Variants in PXDNL observed in about 807,000 individuals in gnomAD.
PXDNL encodes the protein probable oxidoreductase PXDNL.
PXDNL carries 145 observed loss-of-function variants against 150.8 expected under a neutral mutation model. The ratio of observed to expected loss-of-function variants is 0.96; its 90% CI spans 0.84 to 1.10. The LOEUF (loss-of-function observed/expected upper bound fraction) is 1.10, where lower values mean the gene tolerates loss of function less well. PXDNL is among the 50% of genes least tolerant of loss of function. The pLI, the probability that PXDNL is intolerant of heterozygous loss-of-function variation, is 0.00. For synonymous variants in PXDNL, 757 were observed against 725.7 expected, an observed-to-expected ratio of 1.04 and a Z score of -0.69; for missense variants, 2,087 against 1,873.9, an observed-to-expected ratio of 1.11 and a Z score of -2.10.
chr8:51,439,995 G>A (rs938110044), intron 12 of PXDNL, among the ~76,000 whole-genome samples: 1 of 151,480 alleles, frequency 6.6e-6, no homozygotes, highest in Non-Finnish European at 1.5e-5. Context: ...CAGCCCAAAT[G>A]CCCATCAATC....
intron 1 of PXDNL, among the ~76,000 whole-genome samples, chr8:51,775,561 A>G (rs1215994815): frequency 6.6e-6 from 1 of 152,202 alleles, no homozygotes; most frequent in Admixed American, 6.5e-5. Context: ...AGTTCCCCAA[A>G]TTAATACTTT....
intron 1 of PXDNL, among the ~76,000 whole-genome samples, chr8:51,792,965 A>G (rs913042944): frequency 6.6e-5 from 10 of 152,148 alleles, no homozygotes; most frequent in African/African-American, 2.4e-4. Flanking sequence ...AGCACACCCT[A>G]TCCACCAAGG....
chr8:51,484,920 A>G (rs1810694509), intron 5 of PXDNL, among the ~76,000 whole-genome samples: 1 of 152,234 alleles, frequency 6.6e-6, no homozygotes, highest in Non-Finnish European at 1.5e-5. Context: ...GAAGAGAGAA[A>G]ACACGATGGT....
At chr8:51,642,618 T>C (rs770287992) in intron 2 of PXDNL, among the ~76,000 whole-genome samples, 12 of 152,184 alleles carry the variant, frequency 7.9e-5, no homozygotes, top group Non-Finnish European at 1.6e-4. Context: ...AGCATTCCCT[T>C]TGAAAACTGG....
chr8:51,486,772 ATATATATATATATATATATATATTTTTTT>A (rs1810754218), intron 5 of PXDNL, among the ~76,000 whole-genome samples: 3 of 7,996 alleles, frequency 3.8e-4, no homozygotes, highest in African/African-American at 7.7e-4. Flanking sequence ...ATATATATAT[ATATATATATATATATATATATATTTTTTT>A]TTTTTTTTTT....
At chr8:51,715,466 CTT>C (rs1816595252) in intron 1 of PXDNL, among the ~76,000 whole-genome samples, 1 of 152,294 alleles carries the variant, frequency 6.6e-6, no homozygotes, top group Admixed American at 6.5e-5. Context: ...AAAAAAATGT[CTT>C]TTGAGTCAGA....
At chr8:51,550,184 TA>T (rs984851498) in intron 4 of PXDNL, among the ~76,000 whole-genome samples, 1 of 151,904 alleles carries the variant, frequency 6.6e-6, no homozygotes, top group African/African-American at 2.4e-5. Context: ...ATTGAACCAG[TA>T]ATAAAAATTG....
intron 17 of PXDNL, among the ~76,000 whole-genome samples, chr8:51,390,006 A>T (rs961102529): frequency 6.6e-6 from 1 of 152,162 alleles, no homozygotes. Context: ...TATTTCAGGT[A>T]ATTAAAAATA....
chr8:51,536,363 C>A (rs1174056887), intron 4 of PXDNL, among the ~76,000 whole-genome samples: 1 of 150,198 alleles, frequency 6.7e-6, no homozygotes, highest in African/African-American at 2.5e-5. Flanking sequence ...CTATCACTTA[C>A]AGTGTAATGT....
At chr8:51,583,196 T>C (rs1009678429) in intron 3 of PXDNL, among the ~76,000 whole-genome samples, 5 of 152,250 alleles carry the variant, frequency 3.3e-5, no homozygotes, top group Admixed American at 2.6e-4. Context: ...GGGTAATTTA[T>C]AAAGAAGAGA....
chr8:51,657,600 T>A (rs1815179103), intron 1 of PXDNL, among the ~76,000 whole-genome samples: 1 of 152,254 alleles, frequency 6.6e-6, no homozygotes, highest in South Asian at 2.1e-4. Flanking sequence ...GCATGTCTCC[T>A]TGTACACTTG....
At chr8:51,435,471 A>G (rs1257421921) in intron 12 of PXDNL, 1 of 147,176 alleles carries the variant, frequency 6.8e-6, no homozygotes. Flanking sequence ...AGCCTGGTAG[A>G]ATGGCTGAAA....
Position 51,464,719 on chromosome 8 carries a change from G to C in PXDNL, c.813-7052C>G, listed in dbSNP as rs547977165. Among the ~76,000 whole-genome samples, 5 of 152,096 alleles carry C rather than the reference G, an allele frequency of 3.3e-5. No individual in the cohort carries two copies. In the South Asian group the frequency reaches 8.3e-4, roughly 25 times the overall value. ...AACATCACACACCAGGGCCTGTCGC[G>C]GGGTGGGGAGCTAGGGGAGGGATAG... On this transcript the variant is annotated intron_variant, in intron 8 of 22. Coordinates refer to ENST00000356297, the MANE Select transcript of PXDNL (RefSeq NM_144651.5).
chr8:51,411,390 C>G lies in PXDNL; in HGVS notation c.1922G>C (p.Ser641Thr). The change falls in exon 16 of 23, where the codon AGT (serine) becomes ACT (threonine). Residue 641 changes from serine (S) to threonine (T), a missense_variant. Physicochemically the swap from Ser to Thr is moderately conservative, Grantham distance 58. Coordinates refer to ENST00000356297, the MANE Select transcript of PXDNL (RefSeq NM_144651.5). ...HLFSQKPHTS[S>T]DLLAQFHYPR... ...GTAATGAAATTGAGCCAGCAGGTCA[C>G]TGGAGGTGTGAGGTTTTCTGCAAAT... 1 of 1,574,758 alleles carries G rather than the reference C, an allele frequency of 6.4e-7. No individual in the cohort carries two copies. The highest frequency in any genetic ancestry group is 8.6e-7 in the Non-Finnish European group (1 of 1,166,074).
rs182948687 is a variant in PXDNL, at chr8:51,398,991, A to C, written c.3557+9076T>G. ...GTACAATAATCAAAATGAAAATTTC[A>C]CTTGATATATATAAGAGGAGATTGA... On this transcript the variant is annotated intron_variant, in intron 17 of 22. Transcript: ENST00000356297. Among the ~76,000 whole-genome samples, 458 of 152,340 alleles carry C rather than the reference A, an allele frequency of 3.0e-3. 1 individual carries two copies. The highest frequency in any genetic ancestry group is 5.1e-3 in the Non-Finnish European group (348 of 68,034).
intron 4 of PXDNL, among the ~76,000 whole-genome samples, chr8:51,537,109 C>T (rs1481142332): frequency 6.6e-6 from 1 of 152,152 alleles, no homozygotes; most frequent in Non-Finnish European, 1.5e-5. Flanking sequence ...ATCTCTAGGA[C>T]ATGTAATACC....
chr8:51,485,482 T>C (rs1206622142), intron 5 of PXDNL, among the ~76,000 whole-genome samples: 1 of 152,206 alleles, frequency 6.6e-6, no homozygotes, highest in East Asian at 1.9e-4. Context: ...GCAAGAACCC[T>C]GCTGCTAAGT....
At chr8:51,699,286 C>T (rs542173108) in intron 1 of PXDNL, among the ~76,000 whole-genome samples, 1 of 152,246 alleles carries the variant, frequency 6.6e-6, no homozygotes, top group South Asian at 2.1e-4. Flanking sequence ...CTGGATAACT[C>T]GATGCTAAGC....
At chr8:51,696,831 A>ACATC (rs1816152639) in intron 1 of PXDNL, among the ~76,000 whole-genome samples, 5 of 149,700 alleles carry the variant, frequency 3.3e-5, no homozygotes, top group Admixed American at 6.6e-5. Context: ...ACACACACAC[A>ACATC]CACACACAGG....
Sources: gnomAD v4.1 joint callset for allele counts (sites outside exome capture counted in the v4.1 genomes callset) on GRCh38, gnomAD v4.1.1 for gene constraint, MANE v1.5 for transcripts, NCBI Gene and HGNC (gene_info 2026-07-23, HGNC 2026-07-21) for gene names.